SAMD5: variants seen among roughly 807,000 people sequenced by gnomAD.
SAMD5 encodes sterile alpha motif domain-containing protein 5.
A neutral mutation model predicts 11.3 loss-of-function variants in SAMD5; 13 were observed. The observed-to-expected ratio is 1.15, with a 90% CI of 0.75 to 1.83. SAMD5 has a LOEUF of 1.83. Ranked by LOEUF, SAMD5 falls within the 40% of genes most tolerant of loss-of-function variation. SAMD5 has a pLI of 0.00. For synonymous variants in SAMD5, 129 were observed against 111.3 expected (o/e 1.16, Z -1.00); for missense variants, 255 against 239.1 (o/e 1.07, Z -0.44).
At position 147,530,922 on chromosome 6, in the gene SAMD5, G is replaced by C. The variant is rs1788421323; in HGVS notation, c.459+21535G>C. The stretch of plus-strand genomic sequence containing the variant: ...GGAACACAAATCCAAGTTAATCCAA[G>C]TTAACCTCTGAACTTGACCTACTTT... On this transcript the variant is annotated intron_variant, in intron 1 of 1. Coordinates refer to ENST00000367474, the MANE Select transcript of SAMD5 (RefSeq NM_001030060.3). Among the ~76,000 whole-genome samples the C allele has an allele frequency of 2.0e-5, 3 of 152,196 alleles. No homozygotes were observed. The South Asian group carries it at 6.2e-4, about 31-fold the overall frequency.
At chr6:147,867,524 T>C in the SAMD5 span, among the ~76,000 whole-genome samples, 1 of 152,086 alleles carries the variant, frequency 6.6e-6, no homozygotes, top group Non-Finnish European at 1.5e-5. Flanking sequence ...TTTCTATTTT[T>C]GAAAAGAAAA....
chr6:147,643,609 T>G (rs1285373119), intron 1 of SAMD5, among the ~76,000 whole-genome samples: 2 of 152,128 alleles, frequency 1.3e-5, no homozygotes, highest in African/African-American at 4.8e-5. Flanking sequence ...TCAGAAGTTA[T>G]TTTAAGTTGC....
chr6:147,864,859 G>A, the SAMD5 span, among the ~76,000 whole-genome samples: 1 of 152,130 alleles, frequency 6.6e-6, no homozygotes, highest in Non-Finnish European at 1.5e-5. Context: ...ATCATTGTCT[G>A]TGCCCTACAG....
At chr6:147,510,375 G>T (rs1284976897) in intron 1 of SAMD5, among the ~76,000 whole-genome samples, 1 of 152,200 alleles carries the variant, frequency 6.6e-6, no homozygotes, top group East Asian at 1.9e-4. Context: ...ACTTGATAGA[G>T]AAGTAGACAG....
rs199651315 is a variant in SAMD5, at chr6:147,508,995, G to T, written c.67G>T (p.Val23Leu). The T allele has an allele frequency of 3.4e-5, 55 of 1,602,730 alleles. No individual in the cohort carries two copies. Among genetic ancestry groups the T allele is most frequent in the Non-Finnish European group, 5.1e-6 (6 of 1,175,332 alleles). Residue 23 changes from valine (V) to leucine (L), a missense_variant, in exon 1 of 2, where the codon GTG becomes TTG. Transcript: ENST00000367474. ...LQLPQYAESF[V>L]DNGYDDLEVC... is the part of the protein sequence containing the mutation. ...GCTTCCGCAGTACGCGGAGTCCTTC[G>T]TGGATAACGGCTACGATGACCTGGA...
the SAMD5 span, among the ~76,000 whole-genome samples, chr6:147,873,901 A>G: frequency 6.6e-6 from 1 of 152,212 alleles, no homozygotes; most frequent in African/African-American, 2.4e-5. Flanking sequence ...TGCATCACCA[A>G]TGTTATTTCA....
At chr6:147,906,289 T>C in the SAMD5 span, among the ~76,000 whole-genome samples, 3 of 152,138 alleles carry the variant, frequency 2.0e-5, no homozygotes, top group Non-Finnish European at 4.4e-5. Flanking sequence ...AGACAGAAAA[T>C]TAGACTACGA....
chr6:147,816,301 AATATATATAT>A, the SAMD5 span, among the ~76,000 whole-genome samples: 3 of 66,358 alleles, frequency 4.5e-5, no homozygotes, highest in African/African-American at 2.0e-4. Flanking sequence ...AAAAAAAAAA[AATATATATAT>A]ATATATATAT....
At chr6:147,759,973 A>G in the SAMD5 span, among the ~76,000 whole-genome samples, 10 of 152,342 alleles carry the variant, frequency 6.6e-5, no homozygotes, top group South Asian at 1.7e-3. Context: ...CTATGAATTC[A>G]TTGTGTAAAA....
At chr6:147,816,281 C>CAAAAAAAA in the SAMD5 span, among the ~76,000 whole-genome samples, 152 of 27,816 alleles carry the variant, frequency 5.5e-3, 19 homozygotes, top group Non-Finnish European at 7.5e-3. Flanking sequence ...ACTCCGTCTC[C>CAAAAAAAA]AAAAAAAAAA....
chr6:147,904,901 T>G, the SAMD5 span, among the ~76,000 whole-genome samples: 1 of 152,052 alleles, frequency 6.6e-6, no homozygotes, highest in Admixed American at 6.6e-5. Context: ...CTTTTTTTTT[T>G]TTTTGAGGCG....
Position 147,568,528 on chromosome 6 carries a change from A to G in SAMD5, c.*4072A>G, listed in dbSNP as rs892554132. On this transcript the variant is annotated 3_prime_UTR_variant, in exon 2 of 2. Transcript: ENST00000367474. Reference sequence around the variant, plus strand: ...GCATCTAGGGAAAATAAGAGAAATAAGTGAAAGTCTGACCCTACATTGCCA... The same window carrying G: ...GCATCTAGGGAAAATAAGAGAAATAGGTGAAAGTCTGACCCTACATTGCCA... The G allele has an allele frequency of 3.0e-6, 3 of 985,306 alleles. No homozygotes were observed. In the African/African-American group the frequency reaches 5.2e-5, roughly 17 times the overall value. The allele number at this position is 985,306 out of a possible 1,614,324, so 61.0% of individuals were successfully genotyped here.
At chr6:147,746,362 A>G in the SAMD5 span, among the ~76,000 whole-genome samples, 3 of 152,158 alleles carry the variant, frequency 2.0e-5, no homozygotes, top group Non-Finnish European at 2.9e-5. Flanking sequence ...ACAACAGTGT[A>G]GGTGAAGTGA....
At chr6:147,733,250 G>T (rs1791743669) in intron 1 of SAMD5, among the ~76,000 whole-genome samples, 1 of 152,168 alleles carries the variant, frequency 6.6e-6, no homozygotes. Context: ...GGATGCCAAG[G>T]ATTAAACAGC....
At position 147,719,990 on chromosome 6, in the gene SAMD5, C is replaced by T. The variant is rs978215131; in HGVS notation, c.163-17327C>T. 9.2e-5 allele frequency among the ~76,000 whole-genome samples: 14 copies of T among 152,330 alleles called. 1 individual carries two copies. Among genetic ancestry groups the T allele is most frequent in the Admixed American group, 8.5e-4 (13 of 15,302 alleles). The stretch of plus-strand genomic sequence containing the variant: ...GGGGCACACCTGCCTATCTGAGAAA[C>T]ATGGATGTGCTTATAGTCTTCATTG... On this transcript the variant is annotated intron_variant, in intron 1 of 1. Coordinates refer to the SAMD5 transcript ENST00000566741.
At chr6:147,592,992 C>T (rs1789478200) in intron 1 of SAMD5, among the ~76,000 whole-genome samples, 1 of 151,806 alleles carries the variant, frequency 6.6e-6, no homozygotes, top group African/African-American at 2.4e-5. Flanking sequence ...ATTTTTTTAA[C>T]AGCTATGTGG....
chr6:147,548,126 A>G (rs150730529), intron 1 of SAMD5, among the ~76,000 whole-genome samples: 7 of 152,350 alleles, frequency 4.6e-5, no homozygotes, highest in African/African-American at 1.7e-4. Context: ...ATAATAGCCA[A>G]TTAAGAGAAA....
In SAMD5 at chr6:147,697,624, A is replaced by G. The variant is rs192005078; in HGVS notation, c.163-39693A>G. On this transcript the variant is annotated intron_variant, in intron 1 of 1. Transcript: ENST00000566741. Reference sequence around the variant, plus strand: ...CTTAACAATAAAAAAATCTATAAAAAAACTAAACTAAAACTAGGGGTTTAT... The same window carrying G: ...CTTAACAATAAAAAAATCTATAAAAGAACTAAACTAAAACTAGGGGTTTAT... Among the ~76,000 whole-genome samples, 400 of 152,348 alleles carry G rather than the reference A, an allele frequency of 2.6e-3. 2 individuals are homozygous for G. The highest frequency in any genetic ancestry group is 9.4e-3 in the African/African-American group (391 of 41,588).
the SAMD5 span, among the ~76,000 whole-genome samples, chr6:147,849,255 A>T: frequency 6.6e-6 from 1 of 151,762 alleles, no homozygotes. Context: ...TATCAAAAGT[A>T]ATTCTTTAAA....
Sources: allele counts gnomAD v4.1 joint callset (sites outside exome capture counted in the v4.1 genomes callset), GRCh38; gene constraint gnomAD v4.1.1; transcripts MANE v1.5; gene names NCBI Gene and HGNC (gene_info 2026-07-23, HGNC 2026-07-21).